The following TMC1 variants were observed in gnomAD, a reference collection of about 807,000 sequenced individuals.
TMC1 encodes transmembrane channel like 1.
TMC1 carries 84 observed loss-of-function variants against 105.8 expected under a neutral mutation model. That is an observed-to-expected ratio of 0.79 (90% CI 0.67 to 0.95). The LOEUF (loss-of-function observed/expected upper bound fraction) is 0.95, where lower values mean the gene tolerates loss of function less well. TMC1 is among the 40% of genes least tolerant of loss of function. The pLI is 0.00. For missense variants in TMC1, 817 were observed against 914.1 expected (o/e 0.89, Z 1.37); for synonymous variants, 315 against 311.5 (o/e 1.01, Z -0.12).
chr9:72,531,500 C>T (rs1823497115), intron 1 of TMC1, among the ~76,000 whole-genome samples: 1 of 152,170 alleles, frequency 6.6e-6, no homozygotes, highest in Non-Finnish European at 1.5e-5. Context: ...TTGATATTTT[C>T]CAGGTCAACT....
intron 4 of TMC1, among the ~76,000 whole-genome samples, chr9:72,637,946 A>G (rs1289804514): frequency 1.3e-5 from 2 of 152,202 alleles, no homozygotes; most frequent in Admixed American, 6.5e-5. Flanking sequence ...GGCCTAGTAC[A>G]TTTTAAAGTG....
intron 4 of TMC1, among the ~76,000 whole-genome samples, chr9:72,636,673 A>T (rs552950742): frequency 7.5e-6 from 1 of 133,898 alleles, no homozygotes; most frequent in South Asian, 2.4e-4. Context: ...GCGCCACTGC[A>T]CTCCAGCCTG....
intron 10 of TMC1, among the ~76,000 whole-genome samples, chr9:72,743,384 A>T (rs1257318902): frequency 1.1e-4 from 17 of 150,426 alleles, no homozygotes; most frequent in South Asian, 2.1e-4. Flanking sequence ...AAAAAAAATA[A>T]AAAAAATAAA....
chr9:72,607,002 T>TATATATAGAGAGAGAGAGAGAGAGAG (rs372785242), intron 2 of TMC1, among the ~76,000 whole-genome samples: 2 of 134,970 alleles, frequency 1.5e-5, no homozygotes, highest in Middle Eastern at 3.9e-3. Context: ...TATATATATA[T>TATATATAGAGAGAGAGAGAGAGAGAG]AGAGAGAGAG....
chr9:72,605,335 A>G (rs1342451792), intron 2 of TMC1, among the ~76,000 whole-genome samples: 1 of 152,176 alleles, frequency 6.6e-6, no homozygotes, highest in East Asian at 1.9e-4. Flanking sequence ...GTTCTGGCTC[A>G]AAGTATCTTA....
intron 8 of TMC1, among the ~76,000 whole-genome samples, chr9:72,707,011 G>A (rs1214413751): frequency 6.6e-6 from 1 of 152,154 alleles, no homozygotes; most frequent in Non-Finnish European, 1.5e-5. Flanking sequence ...CTGACTTCGG[G>A]TGATCTGCCC....
chr9:72,796,674 C>T (rs976473740), intron 17 of TMC1, among the ~76,000 whole-genome samples: 7 of 152,106 alleles, frequency 4.6e-5, no homozygotes, highest in African/African-American at 9.7e-5. Flanking sequence ...ATTCAACACC[C>T]GTTCATGTTA....
At chr9:72,677,168 A>G (rs1310921926) in intron 5 of TMC1, among the ~76,000 whole-genome samples, 1 of 151,200 alleles carries the variant, frequency 6.6e-6, no homozygotes, top group Non-Finnish European at 1.5e-5. Context: ...ACACACAGGA[A>G]CTGGTTCATG....
intron 1 of TMC1, among the ~76,000 whole-genome samples, chr9:72,538,410 T>TTGTA (rs1236527515): frequency 7.1e-6 from 1 of 141,786 alleles, no homozygotes; most frequent in African/African-American, 2.7e-5. Flanking sequence ...TTGTATTGTA[T>TTGTA]TGTATTGTAT....
chr9:72,772,602 C>A, intron 13 of TMC1, 47 bp downstream of exon 13: 1 of 1,610,286 alleles, frequency 6.2e-7, no homozygotes, highest in South Asian at 1.1e-5. Context: ...TTTCTGGAAT[C>A]AAATGGAGGG....
chr9:72,776,858 TAACAA>T (rs1828013986), intron 13 of TMC1, among the ~76,000 whole-genome samples: 3 of 151,904 alleles, frequency 2.0e-5, no homozygotes, highest in Non-Finnish European at 2.9e-5. Context: ...ATATTGATGA[TAACAA>T]TCATCAATAT....
At chr9:72,528,641 T>C (rs1214323894) in intron 1 of TMC1, among the ~76,000 whole-genome samples, 1 of 152,154 alleles carries the variant, frequency 6.6e-6, no homozygotes, top group Non-Finnish European at 1.5e-5. Context: ...GCCAAGTTCA[T>C]GATTTTTGTA....
chr9:72,778,432 T>C (rs1356851407), intron 13 of TMC1, among the ~76,000 whole-genome samples: 2 of 152,106 alleles, frequency 1.3e-5, no homozygotes, highest in African/African-American at 4.8e-5. Flanking sequence ...GAGAGTTAAA[T>C]AGGCGTGGAG....
At chr9:72,602,226 T>C (rs1050462954) in intron 2 of TMC1, among the ~76,000 whole-genome samples, 2 of 152,084 alleles carry the variant, frequency 1.3e-5, no homozygotes, top group African/African-American at 4.8e-5. Context: ...GTGGTTTTAG[T>C]ATAATATTAT....
At chr9:72,792,404 T>A in intron 17 of TMC1, 52 bp downstream of exon 17, 1 of 1,593,634 alleles carries the variant, frequency 6.3e-7, no homozygotes, top group Non-Finnish European at 8.6e-7. Flanking sequence ...AAAAAGAGAG[T>A]CAATATCTCT....
At position 72,831,183 on chromosome 9, in the gene TMC1, C is replaced by G. The variant is rs545191264; in HGVS notation, c.2260+501C>G. Among the ~76,000 whole-genome samples the G allele has an allele frequency of 5.3e-5, 8 of 152,252 alleles. No homozygotes were observed. The South Asian group carries it at 1.5e-3, about 28-fold the overall frequency. The stretch of plus-strand genomic sequence containing the variant: ...TTTTAAAGTATTAGAGTAAAGCCAA[C>G]TTCTAGTTGCCAAAATTAATAATAT... On this transcript the variant is annotated intron_variant, in intron 23 of 23. Transcript: ENST00000297784.
Position 72,700,596 on chromosome 9 carries a change from T to C in TMC1, c.315T>C (p.Thr105=), listed in dbSNP as rs1237261384. Residue 105 remains threonine, a synonymous_variant, in exon 8 of 24, where the codon ACT becomes ACC. Transcript: ENST00000297784. ...ELDEKRQIIA[T]VKCKPWKMEK... is the part of the protein sequence containing the mutation. ...ATGAGAAAAGACAAATAATTGCTAC[T>C]GTCAAATGCAAACCATGGAAGATGG... 23 of 1,608,650 alleles carry C rather than the reference T, an allele frequency of 1.4e-5. No individual in the cohort carries two copies. Among genetic ancestry groups the C allele is most frequent in the Non-Finnish European group, 1.6e-5 (19 of 1,176,704 alleles).
intron 2 of TMC1, among the ~76,000 whole-genome samples, chr9:72,584,842 T>C (rs374377822): frequency 6.9e-6 from 1 of 144,542 alleles, no homozygotes. Flanking sequence ...TGGAGTGCAG[T>C]GACACAATCT....
chr9:72,645,607 G>A (rs1021221735), intron 4 of TMC1, among the ~76,000 whole-genome samples: 8 of 152,252 alleles, frequency 5.3e-5, no homozygotes, highest in African/African-American at 1.4e-4. Context: ...AAGTCAAAGC[G>A]TTAGCAGAAA....
Sources: allele counts gnomAD v4.1 joint callset (sites outside exome capture counted in the v4.1 genomes callset), GRCh38; gene constraint gnomAD v4.1.1; transcripts MANE v1.5; gene names NCBI Gene and HGNC (gene_info 2026-07-23, HGNC 2026-07-21).